Variants in SMARCA2 observed in about 807,000 individuals in gnomAD.
The protein encoded by SMARCA2 is SWI/SNF-related matrix-associated actin-dependent regulator of chromatin subfamily A member 2.
A neutral mutation model predicts 199.8 loss-of-function variants in SMARCA2; 61 were observed. The ratio of observed to expected loss-of-function variants is 0.31; its 90% CI spans 0.25 to 0.38. The LOEUF is 0.38. Ranked by LOEUF, SMARCA2 falls within the 10% of genes least tolerant of loss-of-function variation. SMARCA2 has a pLI of 1.00. For synonymous variants in SMARCA2, 935 were observed against 732.0 expected, an observed-to-expected ratio of 1.28 and a Z score of -4.48; for missense variants, 1,344 against 2,012.2, an observed-to-expected ratio of 0.67 and a Z score of 6.35.
chr9:2,144,735 G>C (rs1427784634), intron 27 of SMARCA2, among the ~76,000 whole-genome samples: 2 of 152,146 alleles, frequency 1.3e-5, no homozygotes, highest in African/African-American at 4.8e-5. Flanking sequence ...TCCCCTCCAG[G>C]GGGGCAGTAG....
chr9:2,160,721 A>G, intron 27 of SMARCA2: 1 of 550,548 alleles, frequency 1.8e-6, no homozygotes. Flanking sequence ...AAATAACAAC[A>G]TTAGTTATTT....
intron 27 of SMARCA2, among the ~76,000 whole-genome samples, chr9:2,143,172 A>G (rs539039993): frequency 6.6e-6 from 1 of 152,272 alleles, no homozygotes; most frequent in Admixed American, 6.5e-5. Flanking sequence ...AAAGATGAGG[A>G]TGCTTTGGGT....
intron 32 of SMARCA2, among the ~76,000 whole-genome samples, chr9:2,189,173 G>C (rs760684449): frequency 9.9e-5 from 15 of 152,166 alleles, no homozygotes; most frequent in South Asian, 2.1e-4. Context: ...TTAGGATATG[G>C]ACATCTTGTG....
In SMARCA2 at chr9:2,191,382, G is replaced by T. The variant is rs927776495; in HGVS notation, c.4711G>T (p.Asp1571Tyr). Residue 1571 changes from aspartate (D) to tyrosine (Y), a missense_variant, in exon 33 of 34, where the codon GAC becomes TAC. Coordinates refer to ENST00000349721, the MANE Select transcript of SMARCA2 (RefSeq NM_003070.5). ...AGCCAAACCTGTAGTGAGCGATTTT[G>T]ACAGCGATGAGGAGCAGGATGAACG... ...GKAKPVVSDF[D>Y]SDEEQDEREQ... 1.2e-6 allele frequency: 2 copies of T among 1,614,178 alleles called. No homozygotes were observed. Among genetic ancestry groups the T allele is most frequent in the East Asian group, 2.2e-5 (1 of 44,882 alleles).
rs770972312 is a variant in SMARCA2, at chr9:2,086,660, C to T, written c.2527-169C>T. Among the ~76,000 whole-genome samples, 12 of 152,150 alleles carry T rather than the reference C, an allele frequency of 7.9e-5. No homozygotes were observed. Among genetic ancestry groups the T allele is most frequent in the Admixed American group, 4.6e-4 (7 of 15,286 alleles). ...TTCTATTATTATAGGATGTCTTATGCGGCCTATCAGGCATGAGACATTGTT... is the reference window on the plus strand; with the variant it reads ...TTCTATTATTATAGGATGTCTTATGTGGCCTATCAGGCATGAGACATTGTT... On this transcript the variant is annotated intron_variant, in intron 17 of 33. Coordinates refer to ENST00000349721, the MANE Select transcript of SMARCA2 (RefSeq NM_003070.5). The surrounding 1 kb of genome is among the most constrained non-coding windows in gnomAD (Gnocchi z 4.3).
chr9:2,055,599 G>GCTA (rs1820317866), intron 6 of SMARCA2: 1 of 152,210 alleles, frequency 6.6e-6, no homozygotes, highest in Admixed American at 6.5e-5. Context: ...AAAATCACAG[G>GCTA]CCACTCCAGT....
At chr9:2,046,661 A>G (rs1380871104) in intron 4 of SMARCA2, among the ~76,000 whole-genome samples, 1 of 152,162 alleles carries the variant, frequency 6.6e-6, no homozygotes, top group Non-Finnish European at 1.5e-5. Context: ...GCTCTTCCAG[A>G]TTGCGATAGA....
chr9:2,089,152 A>T (rs1166630986), intron 19 of SMARCA2, among the ~76,000 whole-genome samples: 4 of 152,190 alleles, frequency 2.6e-5, no homozygotes, highest in African/African-American at 9.7e-5. Context: ...CTGTGCCATA[A>T]AAATTAAGTT....
chr9:2,034,550 T>C (rs1232893245), intron 3 of SMARCA2, among the ~76,000 whole-genome samples: 1 of 152,240 alleles, frequency 6.6e-6, no homozygotes, highest in East Asian at 1.9e-4. Context: ...AATTAATATG[T>C]AGTTATTCCA....
chr9:2,160,819 T>C, intron 27 of SMARCA2: 1 of 421,544 alleles, frequency 2.4e-6, no homozygotes, highest in Non-Finnish European at 4.2e-6. Flanking sequence ...GTTCTTTTTT[T>C]TTTTCTTCCT....
Position 2,110,071 on chromosome 9 carries a change from T to C in SMARCA2, c.3293-183T>C, listed in dbSNP as rs1259560103. Among the ~76,000 whole-genome samples the C allele has an allele frequency of 2.0e-5, 3 of 152,026 alleles. No homozygotes were observed. The highest frequency in any genetic ancestry group is 4.8e-5 in the African/African-American group (2 of 41,420). ...AGAAATGTTTAAGCTGTTTCTTTCT[T>C]TTTTTTTGTAATTGCAAAATGTTCA... On this transcript the variant is annotated intron_variant, in intron 23 of 33. Coordinates refer to ENST00000349721, the MANE Select transcript of SMARCA2 (RefSeq NM_003070.5). This position sits in a 1 kb window ranked among gnomAD's most constrained non-coding sequence, Gnocchi z 4.8.
intron 21 of SMARCA2, among the ~76,000 whole-genome samples, chr9:2,101,125 A>G (rs762380030): frequency 1.3e-5 from 2 of 152,166 alleles, no homozygotes; most frequent in Non-Finnish European, 2.9e-5. Flanking sequence ...ATAATTCAAG[A>G]TGAGATTTGA....
Position 2,169,814 on chromosome 9 carries a change from C to T in SMARCA2, c.4200-605C>T, listed in dbSNP as rs1023914988. Among the ~76,000 whole-genome samples the T allele has an allele frequency of 6.6e-6, 1 of 152,108 alleles. No homozygotes were observed. Among genetic ancestry groups the T allele is most frequent in the Non-Finnish European group, 1.5e-5 (1 of 68,008 alleles). ...TTTTCTAGAGGCTTGTAGAAGTGCC[C>T]AAGACGCCAGGTGGTGGTTTATTTT... is the stretch of plus-strand genomic sequence containing the variant. On this transcript the variant is annotated intron_variant, in intron 28 of 33. Transcript: ENST00000349721. This position sits in a 1 kb window ranked among gnomAD's most constrained non-coding sequence, Gnocchi z 6.5.
At chr9:2,134,078 T>C (rs145568112) in intron 27 of SMARCA2, among the ~76,000 whole-genome samples, 4 of 152,174 alleles carry the variant, frequency 2.6e-5, no homozygotes, top group African/African-American at 9.7e-5. Flanking sequence ...AAATACGTAT[T>C]AGCTATTAAG....
At chr9:2,034,172 G>GGGCAGA (rs1819209855) in intron 3 of SMARCA2, among the ~76,000 whole-genome samples, 1 of 151,116 alleles carries the variant, frequency 6.6e-6, no homozygotes, top group South Asian at 2.1e-4. Flanking sequence ...TTGAACCCGG[G>GGGCAGA]GGCAGAGGTT....
rs1219804499 is a variant in SMARCA2 at position 2,060,967 on chromosome 9, A to G, written c.1673A>G (p.Lys558Arg). Residue 558 changes from lysine to arginine, a missense_variant, in exon 9 of 34, where the codon AAG becomes AGG. By Grantham distance (26) the Lys-to-Arg change is conservative. This residue lies in a region of SMARCA2 where 68 missense variants were observed against 70.4 expected (regional missense o/e 0.97). Transcript: ENST00000349721. ...KQAQAAKEKK[K>R]RRRRKKKAEE... ...GCCCAGGCAGCCAAAGAGAAGAAGAAGAGGAGGAGGAGGAAGAAGGTGCGT... is the reference window on the plus strand; with the variant it reads ...GCCCAGGCAGCCAAAGAGAAGAAGAGGAGGAGGAGGAGGAAGAAGGTGCGT... 2 of 1,613,892 alleles carry G rather than the reference A, an allele frequency of 1.2e-6. No individual in the cohort carries two copies. Among genetic ancestry groups the G allele is most frequent in the East Asian group, 2.2e-5 (1 of 44,870 alleles).
Position 2,170,332 on chromosome 9 carries a change from C to T in SMARCA2, c.4200-87C>T. ...GGTTGGTGAGGAGACTGAGGCTTGG[C>T]CAGGTCACCCAGCCTAGGAAGAAGG... On this transcript the variant is annotated intron_variant, in intron 28 of 33. Coordinates refer to ENST00000349721, the MANE Select transcript of SMARCA2 (RefSeq NM_003070.5). This position sits in a 1 kb window ranked among gnomAD's most constrained non-coding sequence, Gnocchi z 4.7. The T allele has an allele frequency of 4.5e-6, 7 of 1,566,280 alleles. No homozygotes were observed. Among genetic ancestry groups the T allele is most frequent in the Non-Finnish European group, 6.1e-6 (7 of 1,147,646 alleles).
chr9:2,172,579 G>C (rs914271186), intron 29 of SMARCA2, among the ~76,000 whole-genome samples: 1 of 152,182 alleles, frequency 6.6e-6, no homozygotes, highest in Admixed American at 6.5e-5. Flanking sequence ...CAGCCTGGAT[G>C]AGGCTGGAGA....
intron 7 of SMARCA2, 183 bp from the exon 8 acceptor site, chr9:2,058,108 C>A (rs1820434243): frequency 3.5e-6 from 2 of 568,116 alleles, no homozygotes; most frequent in South Asian, 4.7e-5. Context: ...GGCTATCTTT[C>A]CCACCAGCCC....
Sources: allele counts gnomAD v4.1 joint callset (sites outside exome capture counted in the v4.1 genomes callset), GRCh38; gene constraint gnomAD v4.1.1; regional missense constraint gnomAD v4.1.1; non-coding constraint Gnocchi (gnomAD v3.1); transcripts MANE v1.5; gene names NCBI Gene and HGNC (gene_info 2026-07-23, HGNC 2026-07-21).